Variants in ADK observed in about 807,000 individuals in gnomAD.
The protein encoded by ADK is N6,N6-dimethyladenosine kinase.
ADK carries 24 observed loss-of-function variants against 44.7 expected under a neutral mutation model. The ratio of observed to expected loss-of-function variants is 0.54; its 90% CI spans 0.39 to 0.76. ADK has a LOEUF of 0.76. ADK is among the 30% of genes least tolerant of loss of function. The probability of loss-of-function intolerance (pLI) is 0.00; values close to 1 mark genes in which losing one functional copy is unlikely to be tolerated. For synonymous variants in ADK, 128 were observed against 142.6 expected, an observed-to-expected ratio of 0.90 and a Z score of 0.73; for missense variants, 321 against 425.1, an observed-to-expected ratio of 0.76 and a Z score of 2.15.
chr10:74,469,479 C>A (rs1169738966), intron 6 of ADK, among the ~76,000 whole-genome samples: 1 of 152,156 alleles, frequency 6.6e-6, no homozygotes, highest in African/African-American at 2.4e-5. Context: ...CCTCCTACTT[C>A]AGCCTCCAGA....
At chr10:74,155,362 G>T (rs900859782) in intron 1 of ADK, among the ~76,000 whole-genome samples, 1 of 152,096 alleles carries the variant, frequency 6.6e-6, no homozygotes, top group East Asian at 1.9e-4. Context: ...GGTGGCATAA[G>T]CCTGTGGTCC....
intron 6 of ADK, among the ~76,000 whole-genome samples, chr10:74,480,514 A>C (rs2133348563): frequency 6.6e-6 from 1 of 152,046 alleles, no homozygotes; most frequent in East Asian, 1.9e-4. Context: ...CCAAGCCTCA[A>C]ATGATCCTCC....
intron 10 of ADK, among the ~76,000 whole-genome samples, chr10:74,689,584 TG>T (rs1855912653): frequency 6.6e-6 from 1 of 152,208 alleles, no homozygotes; most frequent in African/African-American, 2.4e-5. Flanking sequence ...AAATGTCCAG[TG>T]GGAAGGGTTT....
intron 7 of ADK, among the ~76,000 whole-genome samples, chr10:74,586,160 C>CTTCA (rs1851518637): frequency 6.6e-6 from 1 of 152,150 alleles, no homozygotes; most frequent in Admixed American, 6.6e-5. Context: ...CTACAAACAC[C>CTTCA]TTCAGATCAG....
intron 4 of ADK, chr10:74,372,198 A>C (rs1842682476): frequency 1.3e-6 from 1 of 759,020 alleles, no homozygotes; most frequent in Non-Finnish European, 2.4e-6. Flanking sequence ...GGCTGTGACC[A>C]AGGAGGAATT....
intron 1 of ADK, among the ~76,000 whole-genome samples, chr10:74,175,887 G>T (rs1299674595): frequency 6.6e-6 from 1 of 152,094 alleles, no homozygotes; most frequent in Non-Finnish European, 1.5e-5. Context: ...TCCTTTTATT[G>T]GTTCACAATT....
At chr10:74,396,299 C>T (rs1057261657) in intron 5 of ADK, among the ~76,000 whole-genome samples, 1 of 151,966 alleles carries the variant, frequency 6.6e-6, no homozygotes, top group African/African-American at 2.4e-5. Context: ...TTTAGGAGAC[C>T]GAAGTAGGCT....
intron 6 of ADK, among the ~76,000 whole-genome samples, chr10:74,402,614 C>T (rs1211360704): frequency 6.6e-6 from 1 of 152,074 alleles, no homozygotes; most frequent in Non-Finnish European, 1.5e-5. Flanking sequence ...AAGGTCTTAT[C>T]CATGCTGTTT....
chr10:74,362,090 C>T (rs1480972789), intron 4 of ADK, among the ~76,000 whole-genome samples: 1 of 152,028 alleles, frequency 6.6e-6, no homozygotes, highest in Non-Finnish European at 1.5e-5. Context: ...CTTAGTCTAC[C>T]TGAATATTTA....
At chr10:74,168,536 CAAAA>C (rs140065598) in intron 1 of ADK, among the ~76,000 whole-genome samples, 3 of 98,930 alleles carry the variant, frequency 3.0e-5, no homozygotes, top group Non-Finnish European at 1.9e-5. Context: ...GAGACTGTCT[CAAAA>C]AAAAAAAAAA....
At chr10:74,309,760 C>T (rs949987943) in intron 3 of ADK, among the ~76,000 whole-genome samples, 4 of 151,814 alleles carry the variant, frequency 2.6e-5, no homozygotes. Flanking sequence ...GGTGGGAGGA[C>T]AGTAAATTAA....
intron 3 of ADK, among the ~76,000 whole-genome samples, chr10:74,247,968 G>A (rs1195656297): frequency 6.6e-6 from 1 of 152,144 alleles, no homozygotes; most frequent in African/African-American, 2.4e-5. Flanking sequence ...CACATATGCT[G>A]CTTTTTTGAT....
intron 10 of ADK, among the ~76,000 whole-genome samples, chr10:74,671,213 C>G (rs1855167843): frequency 6.6e-6 from 1 of 151,518 alleles, no homozygotes. Flanking sequence ...TAAAACTATT[C>G]ATGCCCAGTC....
intron 3 of ADK, among the ~76,000 whole-genome samples, chr10:74,265,878 G>A (rs982051143): frequency 6.6e-6 from 1 of 152,058 alleles, no homozygotes; most frequent in African/African-American, 2.4e-5. Context: ...GAGATTTAGG[G>A]GATCTAGGGC....
At chr10:74,406,326 A>T (rs1345806481) in intron 6 of ADK, among the ~76,000 whole-genome samples, 1 of 151,378 alleles carries the variant, frequency 6.6e-6, no homozygotes, top group Non-Finnish European at 1.5e-5. Flanking sequence ...ATGTCTTTTA[A>T]CCTCCTTTAT....
intron 6 of ADK, among the ~76,000 whole-genome samples, chr10:74,435,605 G>A (rs928253420): frequency 6.6e-6 from 1 of 152,100 alleles, no homozygotes; most frequent in Non-Finnish European, 1.5e-5. Flanking sequence ...TACAATAAAT[G>A]CAAAGAGATG....
chr10:74,451,067 CTTTTTTTT>C (rs35120068), intron 6 of ADK, among the ~76,000 whole-genome samples: 2 of 72,164 alleles, frequency 2.8e-5, no homozygotes, highest in South Asian at 5.4e-4. Context: ...GCTCTGCTGC[CTTTTTTTT>C]TTTTTTTTTT....
intron 1 of ADK, among the ~76,000 whole-genome samples, chr10:74,163,773 A>G (rs1185330615): frequency 3.3e-5 from 5 of 152,228 alleles, no homozygotes. Context: ...ACAAATTGAA[A>G]TACAAGAAAA....
chr10:74,626,002 TACTA>T (rs529292385), intron 9 of ADK, among the ~76,000 whole-genome samples: 460 of 152,320 alleles, frequency 3.0e-3, no homozygotes, highest in African/African-American at 0.01. Flanking sequence ...GTGTAGTTGA[TACTA>T]AATAAATAAA....
Sources: allele counts gnomAD v4.1 joint callset (sites outside exome capture counted in the v4.1 genomes callset), GRCh38; gene constraint gnomAD v4.1.1; transcripts MANE v1.5; gene names NCBI Gene and HGNC (gene_info 2026-07-23, HGNC 2026-07-21).